MCM3: variants seen among roughly 807,000 people sequenced by gnomAD.
The protein encoded by MCM3 is minichromosome maintenance complex component 3, also known as DNA replication licensing factor MCM3.
A neutral mutation model predicts 91.3 loss-of-function variants in MCM3; 59 were observed. That is an observed-to-expected ratio of 0.65 (90% confidence interval 0.52 to 0.80). The LOEUF is 0.80. MCM3 is among the 30% of genes least tolerant of loss of function. The pLI is 0.00. For synonymous variants in MCM3, 383 were observed against 379.6 expected (o/e 1.01, Z -0.10); for missense variants, 919 against 1,035.4 (o/e 0.89, Z 1.54).
intron 12 of MCM3, among the ~76,000 whole-genome samples, chr6:52,271,721 G>A (rs967112561): frequency 1.3e-5 from 2 of 152,198 alleles, no homozygotes; most frequent in Non-Finnish European, 2.9e-5. Context: ...ACCAGAAATT[G>A]CTTTGAATAA....
chr6:52,265,076 G>A (rs1354760325), intron 16 of MCM3, among the ~76,000 whole-genome samples: 7 of 152,134 alleles, frequency 4.6e-5, no homozygotes, highest in African/African-American at 7.2e-5. Context: ...CCTTAAAAGC[G>A]TATATCCTTT....
rs1267517157 is a variant in MCM3, at chr6:52,273,745, C to A, written c.1546G>T (p.Asp516Tyr). 1 of 1,608,540 alleles carries A rather than the reference C, an allele frequency of 6.2e-7. No individual in the cohort carries two copies. Among genetic ancestry groups the A allele is most frequent in the East Asian group, 2.2e-5 (1 of 44,808 alleles). Reference protein sequence around the residue: ...RYRAPGEQDGDAMPLGSAVDI... With the variant: ...RYRAPGEQDGYAMPLGSAVDI... ...CTTACTATTCTTATGGCCTCACCAT[C>A]GCCATCCTGCTCCCCAGGTGCTCTG... is the stretch of plus-strand genomic sequence containing the variant. The change falls in exon 10 of 17, where the codon GAT becomes TAT. Residue 516 changes from aspartate to tyrosine, a missense_variant. Physicochemically the swap from Asp to Tyr is radical, Grantham distance 160. Coordinates refer to ENST00000596288, the MANE Select transcript of MCM3 (RefSeq NM_002388.6).
intron 13 of MCM3, 58 bp downstream of exon 13, chr6:52,269,028 C>T: frequency 1.3e-6 from 2 of 1,542,170 alleles, no homozygotes; most frequent in Non-Finnish European, 1.8e-6. Flanking sequence ...GCTGGGAAGC[C>T]CATGCATCTG....
intron 3 of MCM3, 133 bp from the exon 4 acceptor site, chr6:52,282,308 C>A: frequency 1.3e-6 from 1 of 794,734 alleles, no homozygotes; most frequent in Non-Finnish European, 2.0e-6. Context: ...TTCAATATTA[C>A]CTTTTATTCA....
At position 52,267,287 on chromosome 6, in the gene MCM3, A is replaced by G. The variant is rs191688030; in HGVS notation, c.2072+578T>C. 2.9e-3 allele frequency among the ~76,000 whole-genome samples: 446 copies of G among 151,526 alleles called. 1 individual carries two copies. The highest frequency in any genetic ancestry group is 0.01 in the African/African-American group (431 of 41,312). On this transcript the variant is annotated intron_variant, in intron 14 of 16. Transcript: ENST00000596288. ...CTAATTTTTTGTATTTTTAGTAGAG[A>G]CAGGGTTTCACTGTTAGCCAGGATG...
At chr6:52,264,862 A>T in intron 16 of MCM3, 76 bp from the exon 17 acceptor site, 2 of 1,272,834 alleles carry the variant, frequency 1.6e-6, no homozygotes, top group Non-Finnish European at 2.3e-6. Flanking sequence ...TACTAGGAAA[A>T]TCCATAGTAT....
Position 52,273,838 on chromosome 6 carries a change from T to A in MCM3, c.1453A>T (p.Met485Leu), listed in dbSNP as rs769206167. 1 of 1,614,170 alleles carries A rather than the reference T, an allele frequency of 6.2e-7. No homozygotes were observed. The highest frequency in any genetic ancestry group is 2.2e-5 in the East Asian group (1 of 44,884). ...LLSRFDLLFI[M>L]LDQMDPEQDR... Reference sequence around the variant, plus strand: ...TGCTCAGGATCCATCTGATCCAGCATGATGAAGAGCAAGTCAAATCGTGAC... The same window carrying A: ...TGCTCAGGATCCATCTGATCCAGCAAGATGAAGAGCAAGTCAAATCGTGAC... The change falls in exon 10 of 17, where the codon ATG becomes TTG. Residue 485 changes from methionine (M) to leucine (L), a missense_variant. By Grantham distance (15) the Met-to-Leu change is conservative (BLOSUM62 2). Coordinates refer to ENST00000596288, the MANE Select transcript of MCM3 (RefSeq NM_002388.6).
At chr6:52,283,850 A>G (rs1448320830) in intron 1 of MCM3, among the ~76,000 whole-genome samples, 1 of 151,950 alleles carries the variant, frequency 6.6e-6, no homozygotes, top group Non-Finnish European at 1.5e-5. Context: ...ATATCAAAAC[A>G]TGTGCACTTC....
At chr6:52,275,713 G>A (rs965175844) in intron 9 of MCM3, among the ~76,000 whole-genome samples, 3 of 152,086 alleles carry the variant, frequency 2.0e-5, no homozygotes, top group Admixed American at 2.0e-4. Flanking sequence ...TCCCTGTGAC[G>A]GAATACTAGA....
intron 3 of MCM3, 55 bp from the exon 4 acceptor site, chr6:52,282,230 T>C: frequency 6.4e-7 from 1 of 1,562,492 alleles, no homozygotes; most frequent in East Asian, 2.2e-5. Flanking sequence ...ATGATACAGG[T>C]GGAACCCAAA....
intron 11 of MCM3, 115 bp from the exon 12 acceptor site, chr6:52,272,566 A>C: frequency 1.0e-6 from 1 of 991,182 alleles, no homozygotes. Flanking sequence ...ACCCATTATC[A>C]TAACTCCCAT....
intron 1 of MCM3, among the ~76,000 whole-genome samples, 167 bp from the exon 2 acceptor site, chr6:52,283,573 T>C (rs1383040522): frequency 1.3e-5 from 2 of 152,236 alleles, no homozygotes; most frequent in Non-Finnish European, 2.9e-5. Flanking sequence ...GTTTTTAGAT[T>C]CGAAATAACA....
rs1392049119 is a variant in MCM3 at position 52,269,072 on chromosome 6, A to G, written c.1968+14T>C. On this transcript the variant is annotated intron_variant, in intron 13 of 16. Coordinates refer to ENST00000596288, the MANE Select transcript of MCM3 (RefSeq NM_002388.6). ...CCAGGAGATCCTCTCATGCCCAGGCATCTGAATCCTCACCTTCTTAAAGTA... is the reference window on the plus strand; with the variant it reads ...CCAGGAGATCCTCTCATGCCCAGGCGTCTGAATCCTCACCTTCTTAAAGTA... 4 of 1,605,954 alleles carry G rather than the reference A, an allele frequency of 2.5e-6. No homozygotes were observed. Among genetic ancestry groups the G allele is most frequent in the Non-Finnish European group, 3.4e-6 (4 of 1,173,780 alleles).
At chr6:52,273,630 T>C in intron 10 of MCM3, 112 bp downstream of exon 10, 4 of 1,154,626 alleles carry the variant, frequency 3.5e-6, no homozygotes, top group Non-Finnish European at 4.9e-6. Flanking sequence ...TGAGGGCTCT[T>C]CAACATCAAC....
chr6:52,273,770 G>A lies in MCM3; in HGVS notation c.1521C>T (p.Tyr507=). Residue 507 remains tyrosine, a synonymous_variant, in exon 10 of 17, where the codon TAC becomes TAT. Transcript: ENST00000596288. ...ISDHVLRMHR[Y]RAPGEQDGDA... ...CGCCATCCTGCTCCCCAGGTGCTCT[G>A]TAACGGTGCATCCGAAGGACATGGT... is the stretch of plus-strand genomic sequence containing the variant. 1 of 1,613,328 alleles carries A rather than the reference G, an allele frequency of 6.2e-7. No homozygotes were observed. Among genetic ancestry groups the A allele is most frequent in the Non-Finnish European group, 8.5e-7 (1 of 1,179,818 alleles).
chr6:52,278,714 C>T, intron 6 of MCM3, 28 bp downstream of exon 6: 1 of 1,500,840 alleles, frequency 6.7e-7, no homozygotes, highest in Non-Finnish European at 9.3e-7. Flanking sequence ...TCCATTCCCA[C>T]CCTCAAATTT....
chr6:52,266,337 T>C (rs1247247297), intron 15 of MCM3, among the ~76,000 whole-genome samples, 193 bp from the exon 16 acceptor site: 2 of 152,186 alleles, frequency 1.3e-5, no homozygotes, highest in Non-Finnish European at 2.9e-5. Flanking sequence ...TGAAGGAATT[T>C]AGTCAGGCAG....
chr6:52,281,468 G>C (rs908701077), intron 4 of MCM3, among the ~76,000 whole-genome samples: 1 of 151,858 alleles, frequency 6.6e-6, no homozygotes, highest in Non-Finnish European at 1.5e-5. Context: ...TTGAGGCCAC[G>C]ACTTCCAGTC....
At chr6:52,281,851 T>C (rs1009319012) in intron 4 of MCM3, among the ~76,000 whole-genome samples, 194 bp downstream of exon 4, 3 of 152,062 alleles carry the variant, frequency 2.0e-5, no homozygotes, top group African/African-American at 7.2e-5. Flanking sequence ...TCTTTAAAAA[T>C]AAATAAATAA....
Sources: gnomAD v4.1 joint callset for allele counts (sites outside exome capture counted in the v4.1 genomes callset) on GRCh38, gnomAD v4.1.1 for gene constraint, MANE v1.5 for transcripts, NCBI Gene and HGNC (gene_info 2026-07-23, HGNC 2026-07-21) for gene names.